Variants in FAP observed in about 807,000 individuals in gnomAD.
FAP encodes prolyl endopeptidase FAP.
FAP carries 110 observed loss-of-function variants against 126.5 expected under a neutral mutation model. The ratio of observed to expected loss-of-function variants is 0.87; its 90% CI spans 0.74 to 1.02. The LOEUF is 1.02. Among genes scored for constraint, FAP ranks in the 50% least tolerant of loss-of-function variants. The pLI is 0.00. For synonymous variants in FAP, 334 were observed against 297.3 expected (o/e 1.12, Z -1.27); for missense variants, 919 against 909.2 (o/e 1.01, Z -0.14).
chr2:162,183,322 T>A, intron 21 of FAP, 92 bp downstream of exon 21: 1 of 977,526 alleles, frequency 1.0e-6, no homozygotes, highest in Non-Finnish European at 1.6e-6. Flanking sequence ...GTTGCAACAT[T>A]AACATTTCAT....
intron 4 of FAP, 96 bp from the exon 5 acceptor site, chr2:162,224,636 C>T (rs371313143): frequency 6.1e-6 from 4 of 650,722 alleles, no homozygotes; most frequent in African/African-American, 5.7e-5. Context: ...TCAACATACT[C>T]CTACATGCAT....
chr2:162,202,778 ATCT>A (rs1688545708), intron 14 of FAP, 91 bp downstream of exon 14: 1 of 876,252 alleles, frequency 1.1e-6, no homozygotes, highest in African/African-American at 1.7e-5. Context: ...AGTAACAAAA[ATCT>A]TCTTAACTAA....
intron 22 of FAP, among the ~76,000 whole-genome samples, chr2:162,174,387 T>C (rs997295305): frequency 2.6e-5 from 4 of 152,230 alleles, no homozygotes; most frequent in Non-Finnish European, 5.9e-5. Flanking sequence ...ATAATCATCC[T>C]GCATTGATGT....
intron 11 of FAP, among the ~76,000 whole-genome samples, chr2:162,210,257 A>G (rs1229191321): frequency 6.6e-6 from 1 of 152,220 alleles, no homozygotes; most frequent in Non-Finnish European, 1.5e-5. Flanking sequence ...TTATCACAAC[A>G]TCTATGGAGG....
chr2:162,230,073 T>C (rs764724877), intron 2 of FAP, among the ~76,000 whole-genome samples: 4 of 152,190 alleles, frequency 2.6e-5, no homozygotes, highest in African/African-American at 7.2e-5. Context: ...CCGTATCATA[T>C]GTCATGTATC....
chr2:162,234,726 G>T (rs1690033572), intron 2 of FAP, among the ~76,000 whole-genome samples: 1 of 152,134 alleles, frequency 6.6e-6, no homozygotes, highest in South Asian at 2.1e-4. Context: ...CTCGCTCTGG[G>T]TGCCTCCTCG....
chr2:162,223,301 T>G (rs560820692), intron 6 of FAP, among the ~76,000 whole-genome samples: 3 of 152,286 alleles, frequency 2.0e-5, no homozygotes, highest in East Asian at 3.9e-4. Context: ...CAAGAATGTT[T>G]TTGTGCTTTC....
chr2:162,195,429 A>G (rs138876890), intron 16 of FAP, among the ~76,000 whole-genome samples: 1 of 152,072 alleles, frequency 6.6e-6, no homozygotes, highest in East Asian at 2.0e-4. Context: ...ATGGGGCAAC[A>G]AGGCTGACTT....
intron 6 of FAP, among the ~76,000 whole-genome samples, 188 bp from the exon 7 acceptor site, chr2:162,220,113 A>G (rs902912662): frequency 6.6e-6 from 1 of 152,224 alleles, no homozygotes; most frequent in Non-Finnish European, 1.5e-5. Context: ...CTGTTCTTCC[A>G]GTAGTTACTT....
At chr2:162,238,360 C>T (rs1325415062) in intron 2 of FAP, among the ~76,000 whole-genome samples, 5 of 152,138 alleles carry the variant, frequency 3.3e-5, no homozygotes, top group Non-Finnish European at 7.3e-5. Flanking sequence ...GAAGTTGTAA[C>T]TCAATTTGCT....
intron 17 of FAP, among the ~76,000 whole-genome samples, chr2:162,192,178 A>C (rs1688071626): frequency 6.6e-6 from 1 of 152,084 alleles, no homozygotes; most frequent in South Asian, 2.1e-4. Context: ...ACTCAGACCA[A>C]CTGGAAATAC....
chr2:162,219,489 C>T (rs896531027), intron 7 of FAP, among the ~76,000 whole-genome samples: 11 of 152,040 alleles, frequency 7.2e-5, no homozygotes, highest in Admixed American at 5.2e-4. Context: ...AATAGCTAGC[C>T]AGATCTAATC....
intron 6 of FAP, among the ~76,000 whole-genome samples, chr2:162,220,737 GC>G (rs1168796579): frequency 6.6e-6 from 1 of 152,188 alleles, no homozygotes; most frequent in Non-Finnish European, 1.5e-5. Flanking sequence ...GCATTGTGGA[GC>G]TTTTGTAGTT....
intron 2 of FAP, among the ~76,000 whole-genome samples, chr2:162,227,731 TC>T (rs935757701): frequency 6.6e-6 from 1 of 152,152 alleles, no homozygotes; most frequent in African/African-American, 2.4e-5. Flanking sequence ...TGTGGGGCAG[TC>T]TACCCTGCCA....
intron 21 of FAP, among the ~76,000 whole-genome samples, chr2:162,181,739 A>G (rs1687702166): frequency 6.6e-6 from 1 of 152,206 alleles, no homozygotes; most frequent in African/African-American, 2.4e-5. Flanking sequence ...GAGGGCCAGG[A>G]CTACGACTTA....
Position 162,243,409 on chromosome 2 carries a change from C to T in FAP, c.-82G>A, listed in dbSNP as rs1202387844. 1.9e-6 allele frequency: 3 copies of T among 1,555,422 alleles called. No individual in the cohort carries two copies. The Admixed American group carries it at 6.3e-5, about 33-fold the overall frequency. On this transcript the variant is annotated 5_prime_UTR_variant, in exon 1 of 26. Transcript: ENST00000188790. ...ATCTGTGAAAACCGTTGAAAAGGAC[C>T]AAGTCTGTCTTTGTAGTTGGAAGCT... is the stretch of plus-strand genomic sequence containing the variant.
chr2:162,197,997 G>A (rs1688325177), intron 16 of FAP, among the ~76,000 whole-genome samples: 1 of 152,002 alleles, frequency 6.6e-6, no homozygotes, highest in Non-Finnish European at 1.5e-5. Flanking sequence ...GATCTATATT[G>A]GCCTCTTAAC....
At chr2:162,225,365 T>C in intron 4 of FAP, 118 bp downstream of exon 4, 1 of 1,289,854 alleles carries the variant, frequency 7.8e-7, no homozygotes, top group Non-Finnish European at 1.1e-6. Flanking sequence ...TCTAGTGGAG[T>C]ATGGAGCTGG....
In FAP at chr2:162,188,225, A is replaced by G. The variant is rs1457482259; in HGVS notation, c.1758T>C (p.Tyr586=). 2 of 1,613,228 alleles carry G rather than the reference A, an allele frequency of 1.2e-6. No homozygotes were observed. Among genetic ancestry groups the G allele is most frequent in the South Asian group, 1.1e-5 (1 of 91,052 alleles). ...GTAFQGDKLL[Y]AVYRKLGVYE... ...AAACACCCAGCTTTCGATACACTGC[A>G]TAGAGGAGTTTGTCACCTTGGAAAG... The change falls in exon 20 of 26, where the codon TAT becomes TAC. Residue 586 remains tyrosine, a synonymous_variant. Coordinates refer to ENST00000188790, the MANE Select transcript of FAP (RefSeq NM_004460.5).
Sources: allele counts gnomAD v4.1 joint callset (sites outside exome capture counted in the v4.1 genomes callset), GRCh38; gene constraint gnomAD v4.1.1; transcripts MANE v1.5; gene names NCBI Gene and HGNC (gene_info 2026-07-23, HGNC 2026-07-21).